The following ADAM10 variants were observed in gnomAD, a reference collection of about 807,000 sequenced individuals.
The protein encoded by ADAM10 is disintegrin and metalloproteinase domain-containing protein 10.
In ADAM10, 17 loss-of-function variants were observed where a neutral mutation model predicts 90.1. That is an observed-to-expected ratio of 0.19 (90% CI 0.13 to 0.28). The LOEUF (loss-of-function observed/expected upper bound fraction) is 0.28. Among genes scored for constraint, ADAM10 ranks in the 10% least tolerant of loss-of-function variants. ADAM10 has a pLI of 1.00. For synonymous variants in ADAM10, 310 were observed against 298.6 expected (o/e 1.04, Z -0.40); for missense variants, 610 against 914.3 (o/e 0.67, Z 4.29).
intron 10 of ADAM10, among the ~76,000 whole-genome samples, chr15:58,627,226 G>C (rs1895974088): frequency 6.6e-6 from 1 of 152,160 alleles, no homozygotes; most frequent in Non-Finnish European, 1.5e-5. Flanking sequence ...CCAATGTAGA[G>C]TGAAATAAAT....
chr15:58,645,681 T>C (rs1274640404), intron 6 of ADAM10, among the ~76,000 whole-genome samples: 4 of 152,090 alleles, frequency 2.6e-5, no homozygotes, highest in African/African-American at 9.7e-5. Context: ...CAAGTACAAA[T>C]AATAATGTAA....
chr15:58,642,958 A>G (rs1466160894), intron 7 of ADAM10, among the ~76,000 whole-genome samples: 2 of 152,184 alleles, frequency 1.3e-5, no homozygotes, highest in Non-Finnish European at 2.9e-5. Flanking sequence ...GGCTGAATGT[A>G]TATACTAAAC....
chr15:58,734,985 T>G (rs1415566455), intron 1 of ADAM10, among the ~76,000 whole-genome samples: 2 of 152,242 alleles, frequency 1.3e-5, no homozygotes, highest in Non-Finnish European at 2.9e-5. Flanking sequence ...CAAAATTGCC[T>G]GTTCCCACAT....
intron 1 of ADAM10, among the ~76,000 whole-genome samples, chr15:58,730,416 T>C (rs442495): frequency 0.49 from 74,555 of 152,004 alleles, 21,137 homozygotes; most frequent in East Asian, 0.84. Flanking sequence ...AACAGCAGAG[T>C]TGAATAAGCG....
chr15:58,645,339 C>CTA (rs1896519449), intron 6 of ADAM10, among the ~76,000 whole-genome samples: 1 of 152,168 alleles, frequency 6.6e-6, no homozygotes, highest in South Asian at 2.1e-4. Context: ...CTTCCTCAAC[C>CTA]TATTCACCAT....
At chr15:58,730,991 A>G (rs1455546302) in intron 1 of ADAM10, among the ~76,000 whole-genome samples, 3 of 152,194 alleles carry the variant, frequency 2.0e-5, no homozygotes, top group Non-Finnish European at 4.4e-5. Context: ...CAGCTTGCAG[A>G]CTGCCTATCA....
rs1894947617 is a variant in ADAM10, at chr15:58,596,215, G to A, written c.*1332C>T. ...GTTGAAGTGATGTAGTTGGAAAACA[G>A]AAGCAATAAATATGTCACAAGCTTC... On this transcript the variant is annotated 3_prime_UTR_variant, in exon 16 of 16. Coordinates refer to ENST00000260408, the MANE Select transcript of ADAM10 (RefSeq NM_001110.4). 1 of 152,058 alleles carries A rather than the reference G, an allele frequency of 6.6e-6. No homozygotes were observed. The allele number at this position is 152,058 out of a possible 1,614,324, so 9.4% of individuals were successfully genotyped here.
chr15:58,612,668 C>T (rs1391660316), intron 11 of ADAM10, among the ~76,000 whole-genome samples: 1 of 152,160 alleles, frequency 6.6e-6, no homozygotes, highest in Non-Finnish European at 1.5e-5. Flanking sequence ...GTCACTGAGT[C>T]CTATTGGCTC....
At chr15:58,615,516 C>G (rs150151135) in intron 11 of ADAM10, among the ~76,000 whole-genome samples, 27 of 152,190 alleles carry the variant, frequency 1.8e-4, no homozygotes, top group African/African-American at 6.0e-4. Context: ...TGCACTCCTG[C>G]TCAAGCAAAA....
At chr15:58,618,170 A>C (rs1402418388) in intron 11 of ADAM10, among the ~76,000 whole-genome samples, 1 of 152,216 alleles carries the variant, frequency 6.6e-6, no homozygotes, top group East Asian at 1.9e-4. Flanking sequence ...TGACATAAAA[A>C]CAGACACATT....
chr15:58,745,061 T>C (rs1309562332), intron 1 of ADAM10, among the ~76,000 whole-genome samples: 2 of 152,160 alleles, frequency 1.3e-5, no homozygotes, highest in East Asian at 3.9e-4. Flanking sequence ...TGCGCACCTG[T>C]AGTCCTAGCT....
At chr15:58,597,709 C>T in intron 15 of ADAM10, 68 bp from the exon 16 acceptor site, 4 of 1,564,358 alleles carry the variant, frequency 2.6e-6, no homozygotes, top group Admixed American at 1.8e-5. Context: ...AAAAGCAAAG[C>T]TGCTGTTTCA....
rs1383782885 is a variant in ADAM10 at position 58,604,255 on chromosome 15, G to T, written c.2026-4531C>A. Among the ~76,000 whole-genome samples, 9 of 152,288 alleles carry T rather than the reference G, an allele frequency of 5.9e-5. No individual in the cohort carries two copies. In the East Asian group the frequency reaches 1.7e-3, roughly 29 times the overall value. On this transcript the variant is annotated intron_variant, in intron 14 of 15. Coordinates refer to ENST00000260408, the MANE Select transcript of ADAM10 (RefSeq NM_001110.4). ...AGGTGCCTGTAATCCCAGCTACTCA[G>T]GAGGCTGAGACAGGAGAACCGCTTG...
Position 58,606,625 on chromosome 15 carries a change from A to G in ADAM10, c.2025+3672T>C, listed in dbSNP as rs75909379. On this transcript the variant is annotated intron_variant, in intron 14 of 15. Transcript: ENST00000260408. ...AATGAAACCACCTTCTATTTTCAACATATCAAGATGATAAAATGGAAAATT... is the reference window on the plus strand; with the variant it reads ...AATGAAACCACCTTCTATTTTCAACGTATCAAGATGATAAAATGGAAAATT... Among the ~76,000 whole-genome samples the G allele has an allele frequency of 4.1e-4, 62 of 152,370 alleles. No homozygotes were observed. The East Asian group carries it at 0.011, about 28-fold the overall frequency.
At chr15:58,736,310 C>G (rs1246113744) in intron 1 of ADAM10, among the ~76,000 whole-genome samples, 1 of 152,172 alleles carries the variant, frequency 6.6e-6, no homozygotes, top group African/African-American at 2.4e-5. Context: ...GAAAAGCGCA[C>G]CAACAGCATT....
intron 2 of ADAM10, among the ~76,000 whole-genome samples, chr15:58,703,141 T>C (rs1277374475): frequency 1.3e-5 from 2 of 152,116 alleles, no homozygotes; most frequent in African/African-American, 4.8e-5. Flanking sequence ...TACTACCTTT[T>C]TAGTTTTTTA....
At chr15:58,668,314 G>A (rs941110318) in intron 4 of ADAM10, among the ~76,000 whole-genome samples, 16 of 152,102 alleles carry the variant, frequency 1.1e-4, no homozygotes, top group Non-Finnish European at 2.2e-4. Flanking sequence ...ACTTACAACT[G>A]ACACTTGGAA....
intron 2 of ADAM10, among the ~76,000 whole-genome samples, chr15:58,712,721 G>A (rs1441302251): frequency 6.6e-6 from 1 of 152,054 alleles, no homozygotes; most frequent in African/African-American, 2.4e-5. Context: ...AGCTACTCAG[G>A]AGGCTGAGGC....
At chr15:58,634,605 G>T (rs1010083321) in intron 8 of ADAM10, among the ~76,000 whole-genome samples, 4 of 152,012 alleles carry the variant, frequency 2.6e-5, no homozygotes, top group African/African-American at 9.7e-5. Flanking sequence ...GTCAATTCAT[G>T]CCTTTATATA....
Sources: allele counts gnomAD v4.1 joint callset (sites outside exome capture counted in the v4.1 genomes callset), GRCh38; gene constraint gnomAD v4.1.1; transcripts MANE v1.5; gene names NCBI Gene and HGNC (gene_info 2026-07-23, HGNC 2026-07-21).